Variants in TEKT5 observed in about 807,000 individuals in gnomAD.
The protein encoded by TEKT5 is tektin-5.
A neutral mutation model predicts 48.7 loss-of-function variants in TEKT5; 52 were observed. The ratio of observed to expected loss-of-function variants is 1.07; its 90% confidence interval spans 0.86 to 1.35. The LOEUF (loss-of-function observed/expected upper bound fraction) is 1.35, where lower values mean the gene tolerates loss of function less well. Among genes scored for constraint, TEKT5 ranks in the 40% most tolerant of loss-of-function variants. The pLI is 0.00. For synonymous variants in TEKT5, 318 were observed against 267.6 expected, an observed-to-expected ratio of 1.19 and a Z score of -1.84; for missense variants, 831 against 641.6, an observed-to-expected ratio of 1.30 and a Z score of -3.19.
intron 5 of TEKT5, among the ~76,000 whole-genome samples, chr16:10,641,379 C>A (rs1245080400): frequency 6.6e-6 from 1 of 152,160 alleles, no homozygotes; most frequent in East Asian, 1.9e-4. Context: ...GCACCAGCCA[C>A]TGAGACGTTA....
At chr16:10,655,843 C>A (rs923832965) in intron 5 of TEKT5, among the ~76,000 whole-genome samples, 2 of 152,156 alleles carry the variant, frequency 1.3e-5, no homozygotes, top group African/African-American at 4.8e-5. Context: ...GCCTGGGCAT[C>A]TGATGATACC....
intron 6 of TEKT5, among the ~76,000 whole-genome samples, chr16:10,630,012 T>A (rs1897815001): frequency 6.6e-6 from 1 of 152,134 alleles, no homozygotes; most frequent in South Asian, 2.1e-4. Flanking sequence ...CAAAGCTCAC[T>A]GCAGCCTCAA....
intron 5 of TEKT5, among the ~76,000 whole-genome samples, chr16:10,670,857 TTTTA>T (rs199906550): frequency 7.9e-5 from 12 of 151,778 alleles, no homozygotes; most frequent in East Asian, 1.9e-4. Flanking sequence ...GAATTTTTAT[TTTTA>T]TTTATTTATT....
intron 5 of TEKT5, among the ~76,000 whole-genome samples, chr16:10,670,480 C>G (rs1898531143): frequency 6.6e-6 from 1 of 152,144 alleles, no homozygotes; most frequent in South Asian, 2.1e-4. Flanking sequence ...GATCTCGTCA[C>G]TGCACTCCAG....
chr16:10,656,200 AC>A (rs1412990463), intron 5 of TEKT5, among the ~76,000 whole-genome samples: 1 of 151,898 alleles, frequency 6.6e-6, no homozygotes, highest in Non-Finnish European at 1.5e-5. Flanking sequence ...GTTGCCAACT[AC>A]CCCCTAGAGG....
At chr16:10,630,837 G>C (rs1407880944) in intron 6 of TEKT5, among the ~76,000 whole-genome samples, 1 of 151,976 alleles carries the variant, frequency 6.6e-6, no homozygotes, top group Non-Finnish European at 1.5e-5. Context: ...TGGTCAACAT[G>C]GTGGCAAAAT....
intron 5 of TEKT5, among the ~76,000 whole-genome samples, chr16:10,669,600 G>T (rs898847446): frequency 3.3e-5 from 5 of 152,166 alleles, no homozygotes; most frequent in African/African-American, 1.2e-4. Context: ...CTATATCCAT[G>T]TAACACATAT....
At chr16:10,683,821 G>A (rs1177724904) in intron 3 of TEKT5, among the ~76,000 whole-genome samples, 1 of 152,196 alleles carries the variant, frequency 6.6e-6, no homozygotes, top group African/African-American at 2.4e-5. Flanking sequence ...TTGAACTCCT[G>A]ACCTCAGGCG....
chr16:10,647,959 T>C (rs1220857774), intron 5 of TEKT5, among the ~76,000 whole-genome samples: 1 of 152,258 alleles, frequency 6.6e-6, no homozygotes, highest in Non-Finnish European at 1.5e-5. Context: ...TGTTGTTTGC[T>C]TTTTTACACA....
intron 6 of TEKT5, among the ~76,000 whole-genome samples, chr16:10,629,096 CG>C (rs1389057852): frequency 6.6e-6 from 1 of 151,950 alleles, no homozygotes; most frequent in African/African-American, 2.4e-5. Flanking sequence ...AGAGGTCAGG[CG>C]GTGGGGAGAA....
intron 6 of TEKT5, among the ~76,000 whole-genome samples, chr16:10,629,487 G>C (rs1195755315): frequency 1.3e-5 from 2 of 152,134 alleles, no homozygotes; most frequent in Admixed American, 6.5e-5. Context: ...CTAAGCTCAG[G>C]CAATCCGCCA....
At chr16:10,668,172 C>G (rs1898491250) in intron 5 of TEKT5, among the ~76,000 whole-genome samples, 3 of 134,994 alleles carry the variant, frequency 2.2e-5, no homozygotes, top group African/African-American at 9.1e-5. Context: ...AGCCACCACA[C>G]CTAGCTGGAA....
intron 5 of TEKT5, among the ~76,000 whole-genome samples, chr16:10,653,806 G>C (rs1249467268): frequency 1.3e-5 from 2 of 152,120 alleles, no homozygotes; most frequent in Non-Finnish European, 2.9e-5. Flanking sequence ...TCAGCTATTT[G>C]GGAGGCTGAG....
intron 5 of TEKT5, among the ~76,000 whole-genome samples, chr16:10,636,409 C>T (rs1054850106): frequency 2.6e-5 from 4 of 151,368 alleles, no homozygotes; most frequent in African/African-American, 9.7e-5. Context: ...CCCTGAGAAG[C>T]CGCTTCAGGT....
chr16:10,636,103 G>A (rs571725046), intron 5 of TEKT5, among the ~76,000 whole-genome samples, 185 bp from the exon 6 acceptor site: 46 of 151,836 alleles, frequency 3.0e-4, no homozygotes, highest in Middle Eastern at 3.4e-3. Flanking sequence ...GGCTGGGCGC[G>A]GTGGCTCATG....
chr16:10,635,946 C>A (rs750759691), intron 5 of TEKT5, 28 bp from the exon 6 acceptor site: 1 of 1,609,942 alleles, frequency 6.2e-7, no homozygotes, highest in Middle Eastern at 1.7e-4. Flanking sequence ...GGTGTCACCA[C>A]CCACCAGGCC....
chr16:10,681,368 C>A (rs1898744602), intron 4 of TEKT5, among the ~76,000 whole-genome samples: 1 of 110,022 alleles, frequency 9.1e-6, no homozygotes, highest in African/African-American at 4.3e-5. Context: ...GCTCCAGATT[C>A]CACTCTCTGT....
chr16:10,663,570 AGGAGAGG>A (rs974875862), intron 5 of TEKT5, among the ~76,000 whole-genome samples: 4 of 152,038 alleles, frequency 2.6e-5, no homozygotes, highest in African/African-American at 9.7e-5. Flanking sequence ...AGAGAGAAAG[AGGAGAGG>A]AGCGCTCCGG....
At chr16:10,653,338 C>T (rs1343885307) in intron 5 of TEKT5, among the ~76,000 whole-genome samples, 1 of 152,206 alleles carries the variant, frequency 6.6e-6, no homozygotes, top group African/African-American at 2.4e-5. Flanking sequence ...CTGTGCTTTG[C>T]ATACAGTAGG....
Sources: gnomAD v4.1 joint callset for allele counts (sites outside exome capture counted in the v4.1 genomes callset) on GRCh38, gnomAD v4.1.1 for gene constraint, MANE v1.5 for transcripts, NCBI Gene and HGNC (gene_info 2026-07-23, HGNC 2026-07-21) for gene names.